Variants in DIAPH2 observed in about 807,000 individuals in gnomAD.
DIAPH2 encodes the protein protein diaphanous homolog 2.
In DIAPH2, 35 loss-of-function variants were observed where a neutral mutation model predicts 92.7. That is an observed-to-expected ratio of 0.38 (90% CI 0.29 to 0.50). DIAPH2 has a LOEUF of 0.50. DIAPH2 is among the 20% of genes least tolerant of loss of function. The pLI is 0.94. For synonymous variants in DIAPH2, 301 were observed against 280.4 expected, an observed-to-expected ratio of 1.07 and a Z score of -0.73; for missense variants, 701 against 819.5, an observed-to-expected ratio of 0.86 and a Z score of 1.77.
intron 11 of DIAPH2, among the ~76,000 whole-genome samples, chrX:96,938,413 T>G (rs1253268382): frequency 8.9e-6 from 1 of 111,847 alleles, no homozygotes; most frequent in African/African-American, 3.2e-5. Context: ...AGATTCCTCT[T>G]ATAATCAAAC....
intron 22 of DIAPH2, among the ~76,000 whole-genome samples, chrX:97,144,587 G>C (rs998596260): frequency 3.2e-5 from 3 of 94,342 alleles, no homozygotes; most frequent in Non-Finnish European, 6.3e-5. Context: ...AAAAACTTAA[G>C]AATATATAGA....
chrX:96,887,382 C>T (rs73543164), intron 5 of DIAPH2, among the ~76,000 whole-genome samples: 1,496 of 111,159 alleles, frequency 0.013, 26 homozygotes, highest in African/African-American at 0.047. Flanking sequence ...GTTAGCCACA[C>T]CTTTTGAGGA....
At chrX:97,407,955 G>A (rs1253438769) in intron 25 of DIAPH2, among the ~76,000 whole-genome samples, 1 of 111,802 alleles carries the variant, frequency 8.9e-6, no homozygotes, top group Admixed American at 9.5e-5. Flanking sequence ...GGTTTTACCA[G>A]CTTTGGGGAG....
intron 20 of DIAPH2, among the ~76,000 whole-genome samples, chrX:97,107,390 A>T (rs1451062530): frequency 2.7e-5 from 3 of 110,871 alleles, no homozygotes; most frequent in Non-Finnish European, 5.7e-5. Flanking sequence ...TTTGGCATTG[A>T]CTCCATATAG....
chrX:97,528,094 A>G (rs2071035645), intron 26 of DIAPH2, among the ~76,000 whole-genome samples: 1 of 112,077 alleles, frequency 8.9e-6, no homozygotes, highest in South Asian at 3.7e-4. Flanking sequence ...GCATTCCACA[A>G]GCACCAGCAA....
At chrX:97,027,811 G>A (rs1371740608) in intron 17 of DIAPH2, among the ~76,000 whole-genome samples, 2 of 112,059 alleles carry the variant, frequency 1.8e-5, no homozygotes, top group South Asian at 3.7e-4. Flanking sequence ...TTCCAATGAC[G>A]CCAAAAGAAA....
At chrX:97,035,933 CCT>C (rs2066407916) in intron 17 of DIAPH2, among the ~76,000 whole-genome samples, 1 of 108,536 alleles carries the variant, frequency 9.2e-6, no homozygotes, top group Non-Finnish European at 1.9e-5. Context: ...CCCCTGAGAC[CCT>C]GTCTCCAAAA....
At chrX:97,471,582 C>T (rs760552158) in intron 26 of DIAPH2, among the ~76,000 whole-genome samples, 9 of 103,487 alleles carry the variant, frequency 8.7e-5, no homozygotes, top group African/African-American at 3.2e-4. Flanking sequence ...CCCAACTACT[C>T]GGGAGGCTGA....
At chrX:97,000,653 G>A (rs1180541143) in intron 17 of DIAPH2, among the ~76,000 whole-genome samples, 5 of 101,415 alleles carry the variant, frequency 4.9e-5, no homozygotes, top group Middle Eastern at 4.8e-3. Flanking sequence ...ACACACACAC[G>A]TATGTCTACT....
chrX:97,457,985 G>A (rs767913124), intron 26 of DIAPH2, among the ~76,000 whole-genome samples: 1 of 112,008 alleles, frequency 8.9e-6, no homozygotes, highest in East Asian at 2.8e-4. Flanking sequence ...ACTAAGACAA[G>A]CATCTTTACA....
At chrX:96,763,262 A>T (rs913366644) in intron 4 of DIAPH2, 1 of 304,052 alleles carries the variant, frequency 3.3e-6, no homozygotes, top group African/African-American at 2.9e-5. Flanking sequence ...TGATCAGGTG[A>T]TTAGAATTTA....
chrX:97,454,397 T>C (rs1236117915), intron 26 of DIAPH2, among the ~76,000 whole-genome samples: 1 of 110,973 alleles, frequency 9.0e-6, no homozygotes, highest in Non-Finnish European at 1.9e-5. Context: ...AAAAAAGAAA[T>C]AGGTATATAT....
intron 4 of DIAPH2, among the ~76,000 whole-genome samples, chrX:96,811,921 C>T (rs1462285021): frequency 1.8e-5 from 2 of 111,653 alleles, no homozygotes; most frequent in Non-Finnish European, 3.8e-5. Flanking sequence ...ATTCGGTTTG[C>T]CAGTATTTTA....
chrX:97,079,856 A>C (rs1014769936), intron 19 of DIAPH2, among the ~76,000 whole-genome samples: 1 of 111,661 alleles, frequency 9.0e-6, no homozygotes, highest in African/African-American at 3.3e-5. Context: ...GATGAATAAG[A>C]GAATGAGATT....
intron 19 of DIAPH2, among the ~76,000 whole-genome samples, chrX:97,082,130 C>T (rs1373222680): frequency 9.2e-6 from 1 of 108,998 alleles, no homozygotes; most frequent in Non-Finnish European, 1.9e-5. Context: ...AAAATTGAGC[C>T]TATTTACATT....
intron 9 of DIAPH2, among the ~76,000 whole-genome samples, chrX:96,919,095 A>G (rs1327617187): frequency 4.5e-5 from 5 of 112,110 alleles, no homozygotes; most frequent in Non-Finnish European, 1.9e-5. Flanking sequence ...GTGTAGACAC[A>G]ACTTACTAAA....
intron 1 of DIAPH2, among the ~76,000 whole-genome samples, chrX:96,704,991 T>TTTA (rs2063876443): frequency 9.6e-6 from 1 of 103,767 alleles, no homozygotes. Context: ...TTTTTTTTTT[T>TTTA]GAGGTGGAGT....
intron 22 of DIAPH2, among the ~76,000 whole-genome samples, chrX:97,239,009 G>A (rs1342811048): frequency 9.0e-6 from 1 of 111,520 alleles, no homozygotes; most frequent in Admixed American, 9.6e-5. Flanking sequence ...GTCTTTCTTA[G>A]AGCAAAGATG....
At chrX:97,201,581 C>A (rs776259200) in intron 22 of DIAPH2, among the ~76,000 whole-genome samples, 2 of 107,713 alleles carry the variant, frequency 1.9e-5, no homozygotes, top group South Asian at 4.2e-4. Flanking sequence ...GATTGAAGAC[C>A]ACCTTGCTGA....
Sources: gnomAD v4.1 joint callset for allele counts (sites outside exome capture counted in the v4.1 genomes callset) on GRCh38, gnomAD v4.1.1 for gene constraint, MANE v1.5 for transcripts, NCBI Gene and HGNC (gene_info 2026-07-23, HGNC 2026-07-21) for gene names.